The following TNFSF4 variants were observed in gnomAD, a reference collection of about 807,000 sequenced individuals.
TNFSF4 encodes tumor necrosis factor ligand superfamily member 4.
Under a neutral mutation model 7.3 loss-of-function variants are expected in TNFSF4, and 4 were observed. The observed-to-expected ratio is 0.55, with a 90% CI of 0.27 to 1.25. TNFSF4 has a LOEUF of 1.25. Ranked by LOEUF, TNFSF4 falls within the 50% of genes most tolerant of loss-of-function variation. TNFSF4 has a pLI of 0.12. For synonymous variants in TNFSF4, 76 were observed against 83.7 expected (o/e 0.91, Z 0.50); for missense variants, 181 against 208.8 (o/e 0.87, Z 0.82).
the TNFSF4 span, among the ~76,000 whole-genome samples, chr1:173,212,589 AAAAG>A: frequency 1.3e-5 from 2 of 151,858 alleles, no homozygotes; most frequent in African/African-American, 2.4e-5. Context: ...AAAAAAAAAA[AAAAG>A]AAAGAATCAA....
the TNFSF4 span, among the ~76,000 whole-genome samples, chr1:173,394,581 G>A: frequency 6.6e-6 from 1 of 152,132 alleles, no homozygotes; most frequent in Non-Finnish European, 1.5e-5. Flanking sequence ...AATGAGGATT[G>A]GCATTGTCCA....
the TNFSF4 span, among the ~76,000 whole-genome samples, chr1:173,351,335 A>G: frequency 6.6e-6 from 1 of 152,174 alleles, no homozygotes; most frequent in African/African-American, 2.4e-5. Context: ...AATCATGCCA[A>G]TCTAGGCTAT....
At chr1:173,205,213 A>G (rs1422005672) in intron 1 of TNFSF4, 6 of 1,415,652 alleles carry the variant, frequency 4.2e-6, no homozygotes, top group African/African-American at 1.4e-5. Context: ...TAGACAGGGC[A>G]TGTTTCTTAA....
At chr1:173,396,583 G>A in the TNFSF4 span, among the ~76,000 whole-genome samples, 2 of 152,260 alleles carry the variant, frequency 1.3e-5, no homozygotes, top group African/African-American at 4.8e-5. Context: ...TATTGATATG[G>A]GCTCACTAAG....
At chr1:173,302,381 A>G in the TNFSF4 span, among the ~76,000 whole-genome samples, 1 of 151,942 alleles carries the variant, frequency 6.6e-6, no homozygotes, top group African/African-American at 2.4e-5. Flanking sequence ...CCTAAGAAGC[A>G]AGGAAGAGAA....
At chr1:173,179,115 T>TGG (rs1381893292), downstream of TNFSF4, among the ~76,000 whole-genome samples, 1 of 152,300 alleles carries the variant, frequency 6.6e-6, no homozygotes, top group East Asian at 1.9e-4. Flanking sequence ...CCTTCAGAAC[T>TGG]CTCAGAGAAT....
chr1:173,283,964 A>G, the TNFSF4 span, among the ~76,000 whole-genome samples: 2 of 151,870 alleles, frequency 1.3e-5, no homozygotes, highest in East Asian at 1.9e-4. Flanking sequence ...GAAGGAAATC[A>G]TAAGTACTAC....
the TNFSF4 span, among the ~76,000 whole-genome samples, chr1:173,263,604 A>C: frequency 6.6e-5 from 10 of 152,234 alleles, no homozygotes; most frequent in Admixed American, 2.0e-4. Context: ...AAGTAAATCC[A>C]AAAGGCTCTT....
chr1:173,389,896 CT>C, the TNFSF4 span, among the ~76,000 whole-genome samples: 2 of 151,946 alleles, frequency 1.3e-5, no homozygotes, highest in Non-Finnish European at 2.9e-5. Context: ...CTTTGTTTCT[CT>C]TTTTTTATTC....
the TNFSF4 span, among the ~76,000 whole-genome samples, chr1:173,423,634 T>C: frequency 6.6e-6 from 1 of 152,174 alleles, no homozygotes; most frequent in East Asian, 1.9e-4. Context: ...CTGGTAGCTG[T>C]GAACTGGTGG....
chr1:173,196,615 G>A (rs940809058), intron 1 of TNFSF4, among the ~76,000 whole-genome samples: 2 of 152,084 alleles, frequency 1.3e-5, no homozygotes, highest in Non-Finnish European at 1.5e-5. Flanking sequence ...TGGTTTTATT[G>A]TCCCTAATAC....
At chr1:173,263,675 C>T in the TNFSF4 span, among the ~76,000 whole-genome samples, 1 of 152,114 alleles carries the variant, frequency 6.6e-6, no homozygotes, top group Non-Finnish European at 1.5e-5. Context: ...GAAACACTTC[C>T]TTTAGTTTGA....
At chr1:173,192,203 T>C (rs1649517047) in intron 1 of TNFSF4, among the ~76,000 whole-genome samples, 1 of 152,200 alleles carries the variant, frequency 6.6e-6, no homozygotes, top group South Asian at 2.1e-4. Flanking sequence ...AAGGCCTAAA[T>C]CAAATCCTTG....
At chr1:173,378,787 C>G in the TNFSF4 span, among the ~76,000 whole-genome samples, 1 of 152,026 alleles carries the variant, frequency 6.6e-6, no homozygotes, top group Non-Finnish European at 1.5e-5. Flanking sequence ...CCCTATAGCT[C>G]CCCTTCCTAT....
intron 1 of TNFSF4, among the ~76,000 whole-genome samples, chr1:173,193,889 G>C (rs947787716): frequency 2.0e-5 from 3 of 152,166 alleles, no homozygotes; most frequent in Non-Finnish European, 4.4e-5. Flanking sequence ...AATGCAACAG[G>C]AAGGTTACCA....
the TNFSF4 span, among the ~76,000 whole-genome samples, chr1:173,244,662 A>C: frequency 1.0e-3 from 155 of 151,096 alleles, 2 homozygotes; most frequent in African/African-American, 3.8e-3. Context: ...AAAAAACAAA[A>C]AAAACAAAAA....
the TNFSF4 span, among the ~76,000 whole-genome samples, chr1:173,303,526 G>A: frequency 6.6e-6 from 1 of 151,896 alleles, no homozygotes; most frequent in Non-Finnish European, 1.5e-5. Context: ...TAAAGTGGCG[G>A]TGTTTGTCCG....
the TNFSF4 span, among the ~76,000 whole-genome samples, chr1:173,223,584 G>A: frequency 6.6e-6 from 1 of 152,190 alleles, no homozygotes; most frequent in Non-Finnish European, 1.5e-5. Flanking sequence ...AATCAGTGAA[G>A]AGGGCCAAGA....
the TNFSF4 span, among the ~76,000 whole-genome samples, chr1:173,304,338 G>A: frequency 6.6e-6 from 1 of 151,870 alleles, no homozygotes; most frequent in East Asian, 1.9e-4. Context: ...AGAAGAATTT[G>A]GATTTTATCC....
Sources: gnomAD v4.1 joint callset for allele counts (sites outside exome capture counted in the v4.1 genomes callset) on GRCh38, gnomAD v4.1.1 for gene constraint, MANE v1.5 for transcripts, NCBI Gene and HGNC (gene_info 2026-07-23, HGNC 2026-07-21) for gene names.